The following CALCR variants were observed in gnomAD, a reference collection of about 807,000 sequenced individuals.
CALCR encodes the protein calcitonin receptor.
CALCR carries 47 observed loss-of-function variants against 59.5 expected under a neutral mutation model. That is an observed-to-expected ratio of 0.79 (90% CI 0.63 to 1.01). The LOEUF (loss-of-function observed/expected upper bound fraction) is 1.01, where lower values mean the gene tolerates loss of function less well. Among genes scored for constraint, CALCR ranks in the 50% least tolerant of loss-of-function variants. The pLI is 0.00. For synonymous variants in CALCR, 213 were observed against 211.3 expected, an observed-to-expected ratio of 1.01 and a Z score of -0.07; for missense variants, 566 against 597.1, an observed-to-expected ratio of 0.95 and a Z score of 0.54.
At chr7:93,545,069 G>A (rs745760873) in intron 2 of CALCR, among the ~76,000 whole-genome samples, 2 of 152,018 alleles carry the variant, frequency 1.3e-5, no homozygotes, top group Non-Finnish European at 2.9e-5. Context: ...TCATGGATAA[G>A]GTTGGGCCTG....
At chr7:93,429,505 T>C (rs887411367) in intron 13 of CALCR, among the ~76,000 whole-genome samples, 1 of 152,220 alleles carries the variant, frequency 6.6e-6, no homozygotes, top group Admixed American at 6.5e-5. Context: ...CTTATAAAAA[T>C]AGAGCCCTGG....
At chr7:93,474,284 T>C (rs1360833181) in intron 5 of CALCR, among the ~76,000 whole-genome samples, 1 of 151,652 alleles carries the variant, frequency 6.6e-6, no homozygotes, top group Non-Finnish European at 1.5e-5. Context: ...ATAAACACAC[T>C]GTAAAACTAG....
At chr7:93,559,169 G>T (rs751745560) in intron 2 of CALCR, among the ~76,000 whole-genome samples, 3 of 152,094 alleles carry the variant, frequency 2.0e-5, no homozygotes, top group Admixed American at 6.6e-5. Flanking sequence ...GCAGCAAATT[G>T]TAACTTTAAA....
chr7:93,567,878 T>C (rs959063252), intron 2 of CALCR, among the ~76,000 whole-genome samples: 1 of 152,162 alleles, frequency 6.6e-6, no homozygotes, highest in Non-Finnish European at 1.5e-5. Context: ...CTCATCCTGC[T>C]CTATGCAACT....
chr7:93,443,437 C>T (rs1455506389), intron 9 of CALCR, among the ~76,000 whole-genome samples, 167 bp downstream of exon 9: 1 of 152,086 alleles, frequency 6.6e-6, no homozygotes, highest in Non-Finnish European at 1.5e-5. Flanking sequence ...TGTTAAAGGG[C>T]TTCCACAGGT....
chr7:93,458,225 C>A (rs1254261861), intron 8 of CALCR, among the ~76,000 whole-genome samples: 3 of 152,088 alleles, frequency 2.0e-5, no homozygotes, highest in Non-Finnish European at 4.4e-5. Flanking sequence ...ATTATTAACA[C>A]TCTGGAGCCA....
At chr7:93,429,927 TTTGTTTGTTTTTTTG>T (rs1799616699) in intron 13 of CALCR, among the ~76,000 whole-genome samples, 1 of 29,696 alleles carries the variant, frequency 3.4e-5, no homozygotes. Context: ...TTTTTTTTTG[TTTGTTTGTTTTTTTG>T]TTTTTTTTTG....
chr7:93,479,535 TATAGAC>T lies in CALCR; in HGVS notation c.52-34_52-29del, dbSNP rs1187227141. On this transcript the variant is annotated intron_variant, in intron 3 of 13. Transcript: ENST00000426151. ...GTATTAAAAAGAAAAATCAGTTACTTATAGACAGGAGGAATGGGTGAGCACAAATAA... is the reference window on the plus strand; with the variant it reads ...GTATTAAAAAGAAAAATCAGTTACTTAGGAGGAATGGGTGAGCACAAATAA... 5 of 1,598,060 alleles carry T rather than the reference TATAGAC, an allele frequency of 3.1e-6. No homozygotes were observed. In the South Asian group the frequency reaches 5.6e-5, roughly 18 times the overall value.
intron 2 of CALCR, among the ~76,000 whole-genome samples, chr7:93,513,008 A>G (rs1255254773): frequency 2.0e-5 from 3 of 152,296 alleles, no homozygotes; most frequent in South Asian, 2.1e-4. Context: ...CAGAGACCCC[A>G]TGAAGGCTAG....
intron 2 of CALCR, among the ~76,000 whole-genome samples, chr7:93,513,845 A>C (rs1237695269): frequency 6.6e-6 from 1 of 151,706 alleles, no homozygotes; most frequent in Non-Finnish European, 1.5e-5. Flanking sequence ...AAACATATAG[A>C]TATTTATTTC....
intron 2 of CALCR, chr7:93,559,698 C>T (rs1181041308): frequency 6.6e-6 from 1 of 151,766 alleles, no homozygotes; most frequent in East Asian, 1.9e-4. Flanking sequence ...CGGTCTTTGA[C>T]CATAAATATT....
intron 8 of CALCR, among the ~76,000 whole-genome samples, chr7:93,455,586 T>C (rs762043163): frequency 7.9e-5 from 12 of 152,102 alleles, no homozygotes; most frequent in Non-Finnish European, 1.8e-4. Flanking sequence ...GTAATGTTGA[T>C]GACATGATTC....
intron 2 of CALCR, among the ~76,000 whole-genome samples, chr7:93,561,872 A>G (rs190147673): frequency 2.4e-3 from 368 of 152,226 alleles, no homozygotes; most frequent in African/African-American, 8.6e-3. Context: ...CTCTGCCTTC[A>G]GTAGGAGTAC....
chr7:93,477,779 C>T (rs528563899), intron 4 of CALCR, 111 bp from the exon 5 acceptor site: 345 of 670,578 alleles, frequency 5.1e-4, no homozygotes, highest in Non-Finnish European at 1.9e-4. Context: ...CAGTCATAAC[C>T]AACCACATTT....
chr7:93,450,309 A>G (rs942714008), intron 8 of CALCR, among the ~76,000 whole-genome samples: 2 of 151,992 alleles, frequency 1.3e-5, no homozygotes, highest in African/African-American at 4.8e-5. Flanking sequence ...GAGGTATTCT[A>G]GCTTGTTGGA....
intron 2 of CALCR, among the ~76,000 whole-genome samples, chr7:93,569,289 C>T (rs564179176): frequency 6.6e-6 from 1 of 152,252 alleles, no homozygotes; most frequent in South Asian, 2.1e-4. Flanking sequence ...CCACTATCTT[C>T]CTGATAAAAT....
At chr7:93,535,263 G>A (rs189899591) in intron 2 of CALCR, among the ~76,000 whole-genome samples, 12 of 151,622 alleles carry the variant, frequency 7.9e-5, no homozygotes, top group African/African-American at 2.9e-4. Context: ...ATAAGACATA[G>A]TTTATATGAG....
chr7:93,441,010 C>CT (rs1799890721), intron 9 of CALCR, among the ~76,000 whole-genome samples: 1 of 151,958 alleles, frequency 6.6e-6, no homozygotes, highest in Non-Finnish European at 1.5e-5. Context: ...CAGCTTGTTC[C>CT]TTTTTTCCTT....
At chr7:93,534,861 A>G (rs754714169) in intron 2 of CALCR, among the ~76,000 whole-genome samples, 1 of 151,734 alleles carries the variant, frequency 6.6e-6, no homozygotes, top group Non-Finnish European at 1.5e-5. Context: ...CCCATACGGA[A>G]TTATTCAAAT....
Sources: allele counts gnomAD v4.1 joint callset (sites outside exome capture counted in the v4.1 genomes callset), GRCh38; gene constraint gnomAD v4.1.1; transcripts MANE v1.5; gene names NCBI Gene and HGNC (gene_info 2026-07-23, HGNC 2026-07-21).